Variants in CDC23 observed in about 807,000 individuals in gnomAD.
The protein encoded by CDC23 is cell division cycle protein 23 homolog.
Under a neutral mutation model 81.7 loss-of-function variants are expected in CDC23, and 26 were observed. The ratio of observed to expected loss-of-function variants is 0.32; its 90% CI spans 0.23 to 0.44. The LOEUF (loss-of-function observed/expected upper bound fraction) is 0.44, where lower values mean the gene tolerates loss of function less well. Ranked by LOEUF, CDC23 falls within the 20% of genes least tolerant of loss-of-function variation. The probability of loss-of-function intolerance (pLI) is 1.00; values close to 1 mark genes in which losing one functional copy is unlikely to be tolerated. For missense variants in CDC23, 519 were observed against 728.0 expected (o/e 0.71, Z 3.30); for synonymous variants, 267 against 270.8 (o/e 0.99, Z 0.14).
Position 138,206,669 on chromosome 5 carries a change from T to C in CDC23, c.250A>G (p.Met84Val). The change falls in exon 3 of 16, where the codon ATG (methionine) becomes GTG (valine). Residue 84 changes from methionine (M) to valine (V), a missense_variant. Coordinates refer to ENST00000394886, the MANE Select transcript of CDC23 (RefSeq NM_004661.4). The part of the protein sequence containing the change: ...PPITEEDAQD[M>V]DAYTLAKAYF... ...GCCTTGGCCAGGGTATAGGCATCCA[T>C]ATCCTGGGCATCTTCCTAAAAAAGA... 1 of 1,610,398 alleles carries C rather than the reference T, an allele frequency of 6.2e-7. No homozygotes were observed.
intron 9 of CDC23, 103 bp from the exon 10 acceptor site, chr5:138,192,760 T>C: frequency 6.9e-6 from 7 of 1,015,956 alleles, no homozygotes; most frequent in East Asian, 2.6e-5. Context: ...CCATAACCCA[T>C]TCCCTCTAAA....
At chr5:138,204,110 G>A (rs1179424789) in intron 3 of CDC23, among the ~76,000 whole-genome samples, 1 of 152,184 alleles carries the variant, frequency 6.6e-6, no homozygotes, top group Non-Finnish European at 1.5e-5. Flanking sequence ...AAATGGTTCA[G>A]AGTAAAACAA....
chr5:138,195,290 G>T (rs1436082051), intron 9 of CDC23, among the ~76,000 whole-genome samples: 1 of 150,590 alleles, frequency 6.6e-6, no homozygotes, highest in Non-Finnish European at 1.5e-5. Flanking sequence ...AAGAAACCCT[G>T]CACTTTAAAA....
Position 138,189,033 on chromosome 5 carries a change from T to C in CDC23, c.1739A>G (p.Asn580Ser), listed in dbSNP as rs1754792579. 2 of 1,614,144 alleles carry C rather than the reference T, an allele frequency of 1.2e-6. No individual in the cohort carries two copies. The highest frequency in any genetic ancestry group is 1.7e-6 in the Non-Finnish European group (2 of 1,180,020). The change falls in exon 16 of 16, where the codon AAC becomes AGC. Residue 580 changes from asparagine to serine, a missense_variant. Physicochemically the swap from Asn to Ser is conservative, Grantham distance 46 (BLOSUM62 1). Around this residue, in one of 4 missense-constraint regions of CDC23, gnomAD observed 38 missense variants for 34.7 expected, o/e 1.10. Coordinates refer to ENST00000394886, the MANE Select transcript of CDC23 (RefSeq NM_004661.4). ...AGAAACTCTGCGTGTGGGGGTATTG[T>C]TAGCAGAGAGTGAAGCAGGTAGGAA... ...PFFLPASLSA[N>S]NTPTRRVSPL... is the part of the protein sequence containing the mutation.
At chr5:138,189,521 A>G (rs981286101) in intron 15 of CDC23, 112 bp downstream of exon 15, 36 of 1,008,020 alleles carry the variant, frequency 3.6e-5, no homozygotes, top group Non-Finnish European at 5.3e-5. Context: ...AGCCTCCCAA[A>G]GTGTTGGGAT....
intron 2 of CDC23, among the ~76,000 whole-genome samples, chr5:138,211,148 T>C (rs180936698): frequency 1.3e-5 from 2 of 152,188 alleles, no homozygotes; most frequent in Non-Finnish European, 2.9e-5. Context: ...CTAAAGAAAA[T>C]GTGGTACATA....
At chr5:138,208,546 T>C (rs1441026416) in intron 2 of CDC23, among the ~76,000 whole-genome samples, 1 of 152,120 alleles carries the variant, frequency 6.6e-6, no homozygotes, top group Admixed American at 6.6e-5. Flanking sequence ...AAGAAAGGCA[T>C]CATCAGGAAA....
At chr5:138,202,779 T>G (rs1755003470) in intron 3 of CDC23, among the ~76,000 whole-genome samples, 1 of 152,108 alleles carries the variant, frequency 6.6e-6, no homozygotes, top group Non-Finnish European at 1.5e-5. Flanking sequence ...AAGCGTTGAG[T>G]AGTAAATGTA....
At position 138,206,660 on chromosome 5, in the gene CDC23, A is replaced by AG; in HGVS notation, c.258dup (p.Tyr87LeufsTer9). The AG allele has an allele frequency of 6.2e-7, 1 of 1,613,336 alleles. No homozygotes were observed. Among genetic ancestry groups the AG allele is most frequent in the Non-Finnish European group, 8.5e-7 (1 of 1,179,628 alleles). ...TCAAAGTAGGCCTTGGCCAGGGTAT[A>AG]GGCATCCATATCCTGGGCATCTTCC... On this transcript the variant is annotated frameshift_variant, in exon 3 of 16. Transcript: ENST00000394886. LOFTEE classifies it high-confidence loss of function.
chr5:138,192,599 G>A lies in CDC23; in HGVS notation c.1071C>T (p.Ala357=). Residue 357 remains alanine (A), a synonymous_variant, in exon 10 of 16, where the codon GCC becomes GCT. Transcript: ENST00000394886. ...HEKAALYFQR[A]LKLNPRYLGA... is the part of the protein sequence containing the mutation. ...CAAGATACCGAGGATTTAATTTCAG[G>A]GCTCTCTGGAAATATAAGGCTGCTT... 1 of 1,613,982 alleles carries A rather than the reference G, an allele frequency of 6.2e-7. No individual in the cohort carries two copies. Among genetic ancestry groups the A allele is most frequent in the Non-Finnish European group, 8.5e-7 (1 of 1,179,966 alleles).
chr5:138,191,237 C>T (rs1169220779), intron 13 of CDC23, among the ~76,000 whole-genome samples: 1 of 152,138 alleles, frequency 6.6e-6, no homozygotes, highest in Non-Finnish European at 1.5e-5. Flanking sequence ...CTCAGGTCAT[C>T]CACCTCCCTC....
chr5:138,202,892 TGAG>T (rs1755004728), intron 3 of CDC23, among the ~76,000 whole-genome samples: 1 of 152,184 alleles, frequency 6.6e-6, no homozygotes, highest in South Asian at 2.1e-4. Context: ...AAAATTTGTA[TGAG>T]GAGCAAGATA....
Position 138,213,079 on chromosome 5 carries a change from A to C in CDC23, c.162-16T>G, listed in dbSNP as rs370789273. ...CTCCGCCGACCTGGAACACCCACAC[A>C]AACTAGATCAGCTCGACAAGCCCCC... On this transcript the variant is annotated splice_polypyrimidine_tract_variant and intron_variant, in intron 1 of 15. Coordinates refer to ENST00000394886, the MANE Select transcript of CDC23 (RefSeq NM_004661.4). 132 of 1,613,878 alleles carry C rather than the reference A, an allele frequency of 8.2e-5. No homozygotes were observed. Among genetic ancestry groups the C allele is most frequent in the Non-Finnish European group, 1.0e-4 (118 of 1,179,960 alleles).
intron 2 of CDC23, among the ~76,000 whole-genome samples, chr5:138,209,498 T>C (rs1054678231): frequency 6.6e-6 from 1 of 151,692 alleles, no homozygotes; most frequent in Non-Finnish European, 1.5e-5. Flanking sequence ...AGGCCTTATA[T>C]GACATGCTTC....
chr5:138,195,700 C>CATATATACATATAATATATATGTAT (rs764162193), intron 9 of CDC23, among the ~76,000 whole-genome samples: 8,131 of 94,602 alleles, frequency 0.086, 582 homozygotes, highest in South Asian at 0.14. Context: ...AATATATATG[C>CATATATACATATAATATATATGTAT]ATATATACAT....
At chr5:138,199,501 T>C (rs974811958) in intron 6 of CDC23, among the ~76,000 whole-genome samples, 3 of 152,096 alleles carry the variant, frequency 2.0e-5, no homozygotes, top group Non-Finnish European at 2.9e-5. Context: ...AGTATAAAAA[T>C]GGGAACCCTA....
intron 3 of CDC23, 35 bp downstream of exon 3, chr5:138,206,512 C>G: frequency 6.2e-7 from 1 of 1,612,864 alleles, no homozygotes; most frequent in Non-Finnish European, 8.5e-7. Context: ...GGATGTTTCA[C>G]TAAAGGCAGA....
chr5:138,198,122 G>T, intron 9 of CDC23, 77 bp downstream of exon 9: 2 of 1,104,802 alleles, frequency 1.8e-6, no homozygotes, highest in Non-Finnish European at 2.7e-6. Context: ...ACCATCCCTA[G>T]CTAATTGTGG....
intron 3 of CDC23, 146 bp downstream of exon 3, chr5:138,206,401 T>C: frequency 1.3e-6 from 1 of 786,578 alleles, no homozygotes; most frequent in South Asian, 1.6e-5. Flanking sequence ...ACTTTATTTA[T>C]GATATCTTTT....
Sources: gnomAD v4.1 joint callset for allele counts (sites outside exome capture counted in the v4.1 genomes callset) on GRCh38, gnomAD v4.1.1 for gene constraint, gnomAD v4.1.1 regional missense constraint, MANE v1.5 for transcripts, NCBI Gene and HGNC (gene_info 2026-07-23, HGNC 2026-07-21) for gene names.